SMYD3: variants seen among roughly 807,000 people sequenced by gnomAD.
The protein encoded by SMYD3 is histone-lysine N-methyltransferase SMYD3.
In SMYD3, 36 loss-of-function variants were observed where a neutral mutation model predicts 57.7. The ratio of observed to expected loss-of-function variants is 0.62; its 90% confidence interval spans 0.48 to 0.82. SMYD3 has a LOEUF of 0.82. Among genes scored for constraint, SMYD3 ranks in the 40% least tolerant of loss-of-function variants. The probability of loss-of-function intolerance (pLI) is 0.00; values close to 1 mark genes in which losing one functional copy is unlikely to be tolerated. For synonymous variants in SMYD3, 211 were observed against 195.0 expected, an observed-to-expected ratio of 1.08 and a Z score of -0.68; for missense variants, 515 against 538.8, an observed-to-expected ratio of 0.96 and a Z score of 0.44.
rs559247330 is a variant in SMYD3, at chr1:246,100,202, T to G, written c.532-170265A>C. 2.6e-5 allele frequency among the ~76,000 whole-genome samples: 4 copies of G among 152,166 alleles called. No individual in the cohort carries two copies. The South Asian group carries it at 8.3e-4, about 32-fold the overall frequency. On this transcript the variant is annotated intron_variant, in intron 5 of 11. Coordinates refer to ENST00000490107, the MANE Select transcript of SMYD3 (RefSeq NM_001167740.2). ...CTCTAGCCTGGTGACAGAGCAAGAC[T>G]TCAACGCATTAAAACAAAAAAAAGT...
intron 10 of SMYD3, among the ~76,000 whole-genome samples, chr1:245,765,480 G>A (rs558688937): frequency 4.6e-5 from 7 of 152,228 alleles, no homozygotes; most frequent in South Asian, 2.1e-4. Flanking sequence ...GTTACAGGAC[G>A]GAGCATGATT....
At chr1:246,310,840 T>C (rs2065064966) in intron 5 of SMYD3, among the ~76,000 whole-genome samples, 1 of 151,984 alleles carries the variant, frequency 6.6e-6, no homozygotes, top group African/African-American at 2.4e-5. Context: ...TGGCTGACTT[T>C]TGTATTTTTA....
At chr1:246,191,717 G>A (rs2148328588) in intron 5 of SMYD3, among the ~76,000 whole-genome samples, 1 of 152,256 alleles carries the variant, frequency 6.6e-6, no homozygotes, top group South Asian at 2.1e-4. Flanking sequence ...ATGTGTCGCT[G>A]GAAAAAGATC....
intron 2 of SMYD3, among the ~76,000 whole-genome samples, chr1:246,354,598 G>A (rs776950477): frequency 2.2e-5 from 3 of 136,072 alleles, no homozygotes; most frequent in African/African-American, 5.7e-5. Context: ...AAAGTAGATC[G>A]TTAAATGAAA....
chr1:245,929,942 A>T lies in SMYD3; in HGVS notation c.532-5T>A, dbSNP rs1256278272. ...GGTGAAAGAGTTGCAGATCACCTGTAAACACAAGGGGAACCATCAGTATTA... is the reference window on the plus strand; with the variant it reads ...GGTGAAAGAGTTGCAGATCACCTGTTAACACAAGGGGAACCATCAGTATTA... On this transcript the variant is annotated splice_region_variant and splice_polypyrimidine_tract_variant and intron_variant, in intron 5 of 11. Transcript: ENST00000490107. The T allele has an allele frequency of 1.9e-6, 3 of 1,613,014 alleles. No homozygotes were observed. The highest frequency in any genetic ancestry group is 1.3e-5 in the African/African-American group (1 of 75,016).
At chr1:246,275,132 G>C (rs1329795965) in intron 5 of SMYD3, among the ~76,000 whole-genome samples, 1 of 152,142 alleles carries the variant, frequency 6.6e-6, no homozygotes. Flanking sequence ...GAACAGTGAA[G>C]ACAAAATACA....
At chr1:246,213,731 T>C (rs1418176087) in intron 5 of SMYD3, among the ~76,000 whole-genome samples, 1 of 152,198 alleles carries the variant, frequency 6.6e-6, no homozygotes, top group Non-Finnish European at 1.5e-5. Flanking sequence ...GATCTTCTCA[T>C]GGTCCCTGAG....
At chr1:245,862,307 C>G (rs1890815) in intron 9 of SMYD3, among the ~76,000 whole-genome samples, 149,467 of 152,290 alleles carry the variant, frequency 0.98, 73,403 homozygotes, top group East Asian at 1. Flanking sequence ...GATCACAGTA[C>G]TAAGATTATA....
At chr1:246,279,233 G>A (rs930157775) in intron 5 of SMYD3, among the ~76,000 whole-genome samples, 2 of 152,102 alleles carry the variant, frequency 1.3e-5, no homozygotes, top group African/African-American at 4.8e-5. Flanking sequence ...TAAGATTGTT[G>A]AGACCAGCCG....
chr1:245,837,027 G>A (rs1231970999), intron 10 of SMYD3, among the ~76,000 whole-genome samples: 1 of 152,000 alleles, frequency 6.6e-6, no homozygotes, highest in South Asian at 2.1e-4. Flanking sequence ...CCTAAGACAC[G>A]GCATCGTCAC....
chr1:246,466,501 G>C (rs2067883153), intron 1 of SMYD3, among the ~76,000 whole-genome samples: 1 of 152,230 alleles, frequency 6.6e-6, no homozygotes, highest in African/African-American at 2.4e-5. Flanking sequence ...CATAAAGAGG[G>C]ACAACAGACA....
chr1:245,995,526 A>C (rs1372270942), intron 5 of SMYD3, among the ~76,000 whole-genome samples: 3 of 152,246 alleles, frequency 2.0e-5, no homozygotes. Context: ...ATGATATTTC[A>C]AGATATCAAT....
At chr1:246,481,604 A>ATC in intron 1 of SMYD3, among the ~76,000 whole-genome samples, 2 of 85,236 alleles carry the variant, frequency 2.3e-5, no homozygotes, top group Non-Finnish European at 4.4e-5. Flanking sequence ...ATATATATAT[A>ATC]TATACACATA....
At chr1:246,315,939 A>G (rs2065149192) in intron 5 of SMYD3, among the ~76,000 whole-genome samples, 1 of 152,232 alleles carries the variant, frequency 6.6e-6, no homozygotes, top group Non-Finnish European at 1.5e-5. Context: ...CCCCTAAAAA[A>G]AACACTCTGT....
At chr1:246,157,179 G>A (rs968490971) in intron 5 of SMYD3, among the ~76,000 whole-genome samples, 17 of 152,060 alleles carry the variant, frequency 1.1e-4, no homozygotes, top group Non-Finnish European at 1.6e-4. Flanking sequence ...CCTTCGGGGC[G>A]CCCCCTGCCT....
chr1:246,400,840 C>G (rs2066755611), intron 1 of SMYD3, among the ~76,000 whole-genome samples: 1 of 151,722 alleles, frequency 6.6e-6, no homozygotes, highest in African/African-American at 2.4e-5. Flanking sequence ...AAAAAAAAAC[C>G]ACTATGAATT....
At chr1:246,176,416 G>A (rs753897102) in intron 5 of SMYD3, among the ~76,000 whole-genome samples, 25 of 152,250 alleles carry the variant, frequency 1.6e-4, no homozygotes, top group African/African-American at 4.6e-4. Context: ...AATTGATACC[G>A]TAACAAAAAA....
chr1:246,421,196 CATTAT>C (rs1420814217), intron 1 of SMYD3, among the ~76,000 whole-genome samples: 4 of 152,064 alleles, frequency 2.6e-5, no homozygotes, highest in Non-Finnish European at 4.4e-5. Context: ...TATCTACTAA[CATTAT>C]ATTATGTTTC....
chr1:246,204,869 C>T (rs1050464929), intron 5 of SMYD3, among the ~76,000 whole-genome samples: 1 of 152,190 alleles, frequency 6.6e-6, no homozygotes, highest in Non-Finnish European at 1.5e-5. Context: ...ACTCTTCAGG[C>T]CTTGACTCAG....
Sources: allele counts gnomAD v4.1 joint callset (sites outside exome capture counted in the v4.1 genomes callset), GRCh38; gene constraint gnomAD v4.1.1; transcripts MANE v1.5; gene names NCBI Gene and HGNC (gene_info 2026-07-23, HGNC 2026-07-21).